The following CSMD1 variants were observed in gnomAD, a reference collection of about 807,000 sequenced individuals.
CSMD1 encodes CUB and sushi domain-containing protein 1.
In CSMD1, 213 loss-of-function variants were observed where a neutral mutation model predicts 417.5. The ratio of observed to expected loss-of-function variants is 0.51; its 90% CI spans 0.46 to 0.57. The LOEUF (loss-of-function observed/expected upper bound fraction) is 0.57. Among genes scored for constraint, CSMD1 ranks in the 20% least tolerant of loss-of-function variants. The probability of loss-of-function intolerance (pLI) is 0.00; values close to 1 mark genes in which losing one functional copy is unlikely to be tolerated. For missense variants in CSMD1, 6,923 were observed against 4,529.7 expected (o/e 1.53, Z -15.17); for synonymous variants, 2,862 against 1,736.8 (o/e 1.65, Z -16.11).
intron 1 of CSMD1, among the ~76,000 whole-genome samples, chr8:4,721,120 C>T (rs1400092388): frequency 6.6e-6 from 1 of 152,134 alleles, no homozygotes; most frequent in Non-Finnish European, 1.5e-5. Flanking sequence ...TGGAAACTTA[C>T]AAATGCAACT....
At chr8:3,927,973 T>C (rs1295900721) in intron 5 of CSMD1, among the ~76,000 whole-genome samples, 2 of 152,158 alleles carry the variant, frequency 1.3e-5, no homozygotes, top group Admixed American at 6.5e-5. Flanking sequence ...TTTAACATAA[T>C]TTTTATATTG....
intron 5 of CSMD1, among the ~76,000 whole-genome samples, chr8:3,898,328 T>C (rs779179022): frequency 4.6e-5 from 7 of 151,782 alleles, no homozygotes; most frequent in Admixed American, 2.0e-4. Flanking sequence ...TCTGATGTTA[T>C]GTGAGCTATG....
chr8:3,994,223 C>G (rs528706844), intron 5 of CSMD1, among the ~76,000 whole-genome samples: 1 of 151,050 alleles, frequency 6.6e-6, no homozygotes, highest in South Asian at 2.1e-4. Context: ...TTCCCTGTCA[C>G]AGAAGGGTAT....
intron 2 of CSMD1, among the ~76,000 whole-genome samples, chr8:4,525,344 G>C (rs748862453): frequency 3.1e-4 from 47 of 152,136 alleles, no homozygotes; most frequent in African/African-American, 1.1e-3. Flanking sequence ...TCAGCAGACA[G>C]TGAGTGAGAA....
At chr8:4,052,894 C>G (rs1798505281) in intron 3 of CSMD1, among the ~76,000 whole-genome samples, 1 of 152,122 alleles carries the variant, frequency 6.6e-6, no homozygotes, top group African/African-American at 2.4e-5. Context: ...CCATAGACCA[C>G]AATGCCAGAC....
At position 4,254,650 on chromosome 8, in the gene CSMD1, T is replaced by A. The variant is rs149132813; in HGVS notation, c.415+165303A>T. Among the ~76,000 whole-genome samples, 36 of 152,308 alleles carry A rather than the reference T, an allele frequency of 2.4e-4. No homozygotes were observed. In the East Asian group the frequency reaches 6.9e-3, roughly 29 times the overall value. On this transcript the variant is annotated intron_variant, in intron 3 of 69. Transcript: ENST00000635120. ...GCCTGCAAGATTTATCTGTGGTAAC[T>A]GCCGTAGACAGGTGTACCATTCTTA... is the stretch of plus-strand genomic sequence containing the variant.
chr8:3,336,638 A>G (rs540105304), intron 23 of CSMD1, among the ~76,000 whole-genome samples: 3 of 152,316 alleles, frequency 2.0e-5, no homozygotes, highest in East Asian at 1.9e-4. Context: ...CACTGAGAGC[A>G]TGTACTTCAT....
intron 41 of CSMD1, among the ~76,000 whole-genome samples, chr8:3,133,053 A>C (rs1817880455): frequency 6.6e-6 from 1 of 152,172 alleles, no homozygotes; most frequent in South Asian, 2.1e-4. Flanking sequence ...GATACACTGG[A>C]ATAAAAGGCG....
At chr8:4,364,989 C>T (rs1462611495) in intron 3 of CSMD1, among the ~76,000 whole-genome samples, 2 of 151,686 alleles carry the variant, frequency 1.3e-5, no homozygotes, top group Non-Finnish European at 2.9e-5. Flanking sequence ...TACTCGAAAA[C>T]ATTTATATTC....
chr8:4,439,536 G>A (rs1353617034), intron 2 of CSMD1, among the ~76,000 whole-genome samples: 2 of 152,090 alleles, frequency 1.3e-5, no homozygotes, highest in African/African-American at 2.4e-5. Context: ...ATTTGAAAAT[G>A]TATATTTGAA....
intron 3 of CSMD1, among the ~76,000 whole-genome samples, chr8:4,327,524 T>A (rs1440463988): frequency 1.3e-5 from 2 of 152,134 alleles, no homozygotes; most frequent in African/African-American, 4.8e-5. Flanking sequence ...GTGTGATGTG[T>A]CAGGCTGTTC....
chr8:4,639,674 C>G (rs1336894584), intron 1 of CSMD1, among the ~76,000 whole-genome samples: 1 of 152,146 alleles, frequency 6.6e-6, no homozygotes, highest in African/African-American at 2.4e-5. Context: ...ATTATCTCAG[C>G]TCTTATTGTT....
At chr8:4,523,232 G>C (rs1295513828) in intron 2 of CSMD1, among the ~76,000 whole-genome samples, 1 of 152,124 alleles carries the variant, frequency 6.6e-6, no homozygotes, top group African/African-American at 2.4e-5. Context: ...GTGGGAGCAA[G>C]GGATATAAAA....
chr8:3,924,856 A>T (rs1809530893), intron 5 of CSMD1, among the ~76,000 whole-genome samples: 1 of 152,108 alleles, frequency 6.6e-6, no homozygotes, highest in African/African-American at 2.4e-5. Context: ...GCGGTTCAAA[A>T]ATTCTCATTT....
chr8:4,536,222 AC>A (rs1797096915), intron 2 of CSMD1, among the ~76,000 whole-genome samples: 3 of 152,100 alleles, frequency 2.0e-5, no homozygotes, highest in South Asian at 2.1e-4. Flanking sequence ...TTTCATTTTA[AC>A]CTATTCATAA....
intron 3 of CSMD1, among the ~76,000 whole-genome samples, chr8:4,313,271 C>A (rs757974713): frequency 3.3e-5 from 5 of 152,048 alleles, no homozygotes; most frequent in Admixed American, 6.6e-5. Context: ...TCCTCTAGTG[C>A]CCCAGGAAGA....
chr8:4,913,177 C>T (rs1805817271), intron 1 of CSMD1, among the ~76,000 whole-genome samples: 1 of 152,158 alleles, frequency 6.6e-6, no homozygotes. Context: ...GTGGGTCTTG[C>T]AAAGATTAGG....
chr8:3,384,893 T>C (rs1272382587), intron 18 of CSMD1, among the ~76,000 whole-genome samples: 9 of 121,864 alleles, frequency 7.4e-5, no homozygotes, highest in African/African-American at 3.0e-4. Flanking sequence ...AAATATATAA[T>C]ATATATTATA....
At chr8:3,363,384 A>C (rs1250504132) in intron 20 of CSMD1, among the ~76,000 whole-genome samples, 1 of 152,212 alleles carries the variant, frequency 6.6e-6, no homozygotes, top group Non-Finnish European at 1.5e-5. Context: ...AACGTCATGG[A>C]AACGTTTTTC....
Sources: allele counts gnomAD v4.1 joint callset (sites outside exome capture counted in the v4.1 genomes callset), GRCh38; gene constraint gnomAD v4.1.1; transcripts MANE v1.5; gene names NCBI Gene and HGNC (gene_info 2026-07-23, HGNC 2026-07-21).